Variants in RSPH9 observed in about 807,000 individuals in gnomAD.
RSPH9 encodes the protein radial spoke head protein 9 homolog.
A neutral mutation model predicts 27.0 loss-of-function variants in RSPH9; 27 were observed. The ratio of observed to expected loss-of-function variants is 1.00; its 90% CI spans 0.74 to 1.38. The LOEUF is 1.38. Among genes scored for constraint, RSPH9 ranks in the 40% most tolerant of loss-of-function variants. The pLI, the probability that RSPH9 is intolerant of heterozygous loss-of-function variation, is 0.00. For synonymous variants in RSPH9, 145 were observed against 147.7 expected, an observed-to-expected ratio of 0.98 and a Z score of 0.13; for missense variants, 347 against 357.4, an observed-to-expected ratio of 0.97 and a Z score of 0.24.
rs529992310 is a variant in RSPH9, at chr6:43,665,823, C to CT, written c.671-4956dup. ...CCAGTTTTTCTTTCTTTCTTTCTTT[C>CT]TTTTTTTTTTAATTTGACAGGGTCT... On this transcript the variant is annotated intron_variant, in intron 4 of 4. Coordinates refer to ENST00000372163, the MANE Select transcript of RSPH9 (RefSeq NM_152732.5). Among the ~76,000 whole-genome samples, 1,106 of 148,650 alleles carry CT rather than the reference C, an allele frequency of 7.4e-3. 2 individuals carry two copies. Among genetic ancestry groups the CT allele is most frequent in the Non-Finnish European group, 0.012 (824 of 66,986 alleles).
intron 3 of RSPH9, among the ~76,000 whole-genome samples, 173 bp downstream of exon 3, chr6:43,655,864 G>A (rs1245625138): frequency 6.6e-6 from 1 of 152,086 alleles, no homozygotes; most frequent in Non-Finnish European, 1.5e-5. Context: ...GGTCGGTATG[G>A]GCTCCCCATC....
intron 1 of RSPH9, among the ~76,000 whole-genome samples, chr6:43,646,125 T>TTTATTATTA (rs375295386): frequency 1.4e-3 from 217 of 149,958 alleles, no homozygotes; most frequent in African/African-American, 5.0e-3. Context: ...TGGCTATTTA[T>TTTATTATTA]TTATTATTAT....
intron 1 of RSPH9, among the ~76,000 whole-genome samples, chr6:43,649,826 C>G (rs1771262468): frequency 6.6e-6 from 1 of 152,182 alleles, no homozygotes; most frequent in African/African-American, 2.4e-5. Context: ...CAGAATTTCA[C>G]AGTCCGGATA....
At chr6:43,660,345 A>G (rs1229494844) in intron 4 of RSPH9, among the ~76,000 whole-genome samples, 1 of 152,078 alleles carries the variant, frequency 6.6e-6, no homozygotes, top group Non-Finnish European at 1.5e-5. Context: ...TTGGCCCTCC[A>G]CTGACGTCTT....
intron 1 of RSPH9, among the ~76,000 whole-genome samples, chr6:43,645,661 A>G (rs1432164652): frequency 6.6e-6 from 1 of 151,878 alleles, no homozygotes; most frequent in East Asian, 1.9e-4. Flanking sequence ...TTACATGCGG[A>G]TGGGTTTATA....
intron 2 of RSPH9, among the ~76,000 whole-genome samples, chr6:43,651,806 C>T (rs776399146): frequency 6.6e-6 from 1 of 152,082 alleles, no homozygotes; most frequent in Non-Finnish European, 1.5e-5. Flanking sequence ...GCCTCAGTCT[C>T]CCAAAGTATT....
chr6:43,658,291 C>CAAAAAAAAAAAAAAAAAAA (rs58592648), intron 4 of RSPH9, among the ~76,000 whole-genome samples: 16 of 24,702 alleles, frequency 6.5e-4, no homozygotes, highest in Non-Finnish European at 9.0e-4. Context: ...AACTCCGTCT[C>CAAAAAAAAAAAAAAAAAAA]AAAAAAAAAA....
chr6:43,672,325 C>A lies in RSPH9; in HGVS notation c.*1376C>A. ...CCCCATTTGGCTCACTCAGCTACCCCAACCTTCAGGGAACTCCCCAGGGTA... is the reference window on the plus strand; with the variant it reads ...CCCCATTTGGCTCACTCAGCTACCCAAACCTTCAGGGAACTCCCCAGGGTA... On this transcript the variant is annotated 3_prime_UTR_variant, in exon 5 of 5. Coordinates refer to ENST00000372163, the MANE Select transcript of RSPH9 (RefSeq NM_152732.5). The A allele has an allele frequency of 2.2e-6, 1 of 463,838 alleles. No individual in the cohort carries two copies. The highest frequency in any genetic ancestry group is 2.4e-5 in the Admixed American group (1 of 42,030). 28.7% of individuals were successfully genotyped at this position (463,838 alleles called of 1,614,324 possible).
chr6:43,645,866 G>T (rs1770805917), intron 1 of RSPH9, among the ~76,000 whole-genome samples: 1 of 152,200 alleles, frequency 6.6e-6, no homozygotes, highest in Non-Finnish European at 1.5e-5. Flanking sequence ...AGCTGGAGGC[G>T]CTTTTGGAAA....
intron 4 of RSPH9, 77 bp from the exon 5 acceptor site, chr6:43,670,712 G>C (rs1773632872): frequency 3.6e-6 from 5 of 1,401,010 alleles, no homozygotes; most frequent in African/African-American, 1.4e-5. Flanking sequence ...TGCCCAAGGA[G>C]CCAGGGGCCA....
intron 4 of RSPH9, among the ~76,000 whole-genome samples, chr6:43,658,311 GA>G (rs1272673497): frequency 0.015 from 1,555 of 101,064 alleles, 15 homozygotes; most frequent in African/African-American, 0.03. Context: ...AAAAAAAAAA[GA>G]AAAAAAAAAA....
chr6:43,648,719 T>G (rs1427973400), intron 1 of RSPH9, among the ~76,000 whole-genome samples: 3 of 152,106 alleles, frequency 2.0e-5, no homozygotes, highest in Non-Finnish European at 4.4e-5. Context: ...GATGGCAATA[T>G]CTAGACAGTA....
chr6:43,666,225 C>T lies in RSPH9; in HGVS notation c.671-4564C>T, dbSNP rs777312797. On this transcript the variant is annotated intron_variant, in intron 4 of 4. Coordinates refer to ENST00000372163, the MANE Select transcript of RSPH9 (RefSeq NM_152732.5). ...AGCGGACAGCTCTGATTTTCCTCCC[C>T]GGTCCCCTTTCCTTATCAGCTAGGA... Among the ~76,000 whole-genome samples the T allele has an allele frequency of 2.6e-5, 4 of 151,996 alleles. No individual in the cohort carries two copies. In the East Asian group the frequency reaches 5.8e-4, roughly 22 times the overall value.
intron 4 of RSPH9, among the ~76,000 whole-genome samples, chr6:43,658,296 AAAAAAAAAAAAAAAG>A (rs1772238547): frequency 7.1e-6 from 1 of 140,872 alleles, no homozygotes; most frequent in Admixed American, 6.8e-5. Context: ...CGTCTCAAAA[AAAAAAAAAAAAAAAG>A]AAAAAAAAAA....
intron 4 of RSPH9, among the ~76,000 whole-genome samples, chr6:43,660,166 C>T (rs1262928934): frequency 6.6e-6 from 1 of 151,426 alleles, no homozygotes; most frequent in African/African-American, 2.4e-5. Flanking sequence ...GCCTCAGCCT[C>T]CTAAGTAGCT....
chr6:43,648,881 T>G (rs967397169), intron 1 of RSPH9, among the ~76,000 whole-genome samples: 2 of 152,098 alleles, frequency 1.3e-5, no homozygotes, highest in African/African-American at 4.8e-5. Flanking sequence ...CTTAAGGCCC[T>G]GGAGGAGCGG....
intron 1 of RSPH9, among the ~76,000 whole-genome samples, chr6:43,647,827 C>T (rs1413195243): frequency 6.6e-6 from 1 of 152,186 alleles, no homozygotes; most frequent in Non-Finnish European, 1.5e-5. Flanking sequence ...TTGATTTAGG[C>T]ACCAGGAGTT....
chr6:43,656,122 G>C (rs1455231723), intron 3 of RSPH9, among the ~76,000 whole-genome samples: 2 of 123,080 alleles, frequency 1.6e-5, no homozygotes, highest in Non-Finnish European at 3.2e-5. Flanking sequence ...TTTTGCTCTT[G>C]TCATCCAGGC....
intron 4 of RSPH9, among the ~76,000 whole-genome samples, chr6:43,669,906 G>A (rs144382118): frequency 0.012 from 1,768 of 152,376 alleles, 18 homozygotes; most frequent in Non-Finnish European, 0.018. Flanking sequence ...ATTAGGGGCA[G>A]CCCAAGTCCC....
Sources: allele counts gnomAD v4.1 joint callset (sites outside exome capture counted in the v4.1 genomes callset), GRCh38; gene constraint gnomAD v4.1.1; transcripts MANE v1.5; gene names NCBI Gene and HGNC (gene_info 2026-07-23, HGNC 2026-07-21).